COL4A1: variants seen among roughly 807,000 people sequenced by gnomAD.
COL4A1 encodes collagen type IV alpha 1 chain.
A neutral mutation model predicts 216.6 loss-of-function variants in COL4A1; 40 were observed. The ratio of observed to expected loss-of-function variants is 0.18; its 90% CI spans 0.14 to 0.24. The LOEUF is 0.24. Ranked by LOEUF, COL4A1 falls within the 10% of genes least tolerant of loss-of-function variation. The pLI, the probability that COL4A1 is intolerant of heterozygous loss-of-function variation, is 1.00. For missense variants in COL4A1, 1,628 were observed against 2,196.8 expected, an observed-to-expected ratio of 0.74 and a Z score of 5.18; for synonymous variants, 839 against 810.7, an observed-to-expected ratio of 1.03 and a Z score of -0.59.
At chr13:110,263,072 T>A (rs1040243880) in intron 1 of COL4A1, among the ~76,000 whole-genome samples, 3 of 152,044 alleles carry the variant, frequency 2.0e-5, no homozygotes, top group Non-Finnish European at 4.4e-5. Context: ...CCCTGTCCGC[T>A]CTCCAAACAT....
intron 18 of COL4A1, 24 bp downstream of exon 18, chr13:110,203,542 C>G (rs1488427993): frequency 1.2e-6 from 2 of 1,613,814 alleles, no homozygotes; most frequent in South Asian, 2.2e-5. Flanking sequence ...CTCTCACAGA[C>G]CCAGGGACAG....
chr13:110,267,292 T>C (rs1883079423), intron 1 of COL4A1, among the ~76,000 whole-genome samples: 1 of 152,158 alleles, frequency 6.6e-6, no homozygotes, highest in Non-Finnish European at 1.5e-5. Flanking sequence ...GAGACGGAGC[T>C]ACGCACACTT....
chr13:110,195,609 T>C (rs912562004), intron 21 of COL4A1, among the ~76,000 whole-genome samples: 1 of 152,206 alleles, frequency 6.6e-6, no homozygotes, highest in African/African-American at 2.4e-5. Flanking sequence ...AGGAAATGCC[T>C]CAAATTGTTC....
intron 2 of COL4A1, among the ~76,000 whole-genome samples, chr13:110,233,901 A>C (rs903668597): frequency 6.6e-6 from 1 of 152,170 alleles, no homozygotes; most frequent in East Asian, 1.9e-4. Context: ...GAACAGGTCC[A>C]TTTCTCTGGG....
At chr13:110,258,364 C>A (rs1485248069) in intron 1 of COL4A1, among the ~76,000 whole-genome samples, 1 of 152,060 alleles carries the variant, frequency 6.6e-6, no homozygotes, top group Non-Finnish European at 1.5e-5. Flanking sequence ...ATGGTAAAAT[C>A]CCATCTCTAC....
At chr13:110,199,924 AAG>A (rs1879098019) in intron 20 of COL4A1, among the ~76,000 whole-genome samples, 1 of 152,162 alleles carries the variant, frequency 6.6e-6, no homozygotes, top group South Asian at 2.1e-4. Flanking sequence ...TTTTACAGAA[AAG>A]AGAGAAAGTG....
intron 1 of COL4A1, among the ~76,000 whole-genome samples, chr13:110,243,937 C>A (rs1285827517): frequency 1.3e-5 from 2 of 152,184 alleles, no homozygotes; most frequent in Admixed American, 6.5e-5. Context: ...TCGGTACATA[C>A]ACGCACTTGC....
intron 17 of COL4A1, among the ~76,000 whole-genome samples, chr13:110,205,059 T>A (rs767081582): frequency 1.1e-4 from 17 of 152,324 alleles, no homozygotes; most frequent in Non-Finnish European, 1.8e-4. Flanking sequence ...TTAGGTAAGC[T>A]TTCTTTACCT....
chr13:110,173,929 G>T lies in COL4A1; in HGVS notation c.3476C>A (p.Pro1159Gln). The T allele has an allele frequency of 6.2e-7, 1 of 1,614,154 alleles. No homozygotes were observed. The change falls in exon 40 of 52, where the codon CCG becomes CAG. Residue 1159 changes from proline to glutamine, a missense_variant. This residue lies in a region of COL4A1 where 345 missense variants were observed against 476.9 expected (regional missense o/e 0.72). Transcript: ENST00000375820. The stretch of plus-strand genomic sequence containing the variant: ...TTCACCCTTCTCTCCTGCTGACCCC[G>T]GGATTCCATCACTGCCTGGCTCCCC... Reference protein sequence around the residue: ...QKGEPGSDGIPGSAGEKGEPG... With the variant: ...QKGEPGSDGIQGSAGEKGEPG...
At chr13:110,180,032 A>G (rs962202596) in intron 29 of COL4A1, among the ~76,000 whole-genome samples, 1 of 152,138 alleles carries the variant, frequency 6.6e-6, no homozygotes, top group African/African-American at 2.4e-5. Flanking sequence ...CCATGAAATC[A>G]CAGGGCTCCA....
At chr13:110,226,510 C>G (rs1328016661) in intron 2 of COL4A1, among the ~76,000 whole-genome samples, 1 of 152,232 alleles carries the variant, frequency 6.6e-6, no homozygotes, top group Non-Finnish European at 1.5e-5. Flanking sequence ...AATTTCAATA[C>G]TCCATTAATC....
At chr13:110,303,314 G>A (rs903481105) in intron 1 of COL4A1, among the ~76,000 whole-genome samples, 21 of 151,940 alleles carry the variant, frequency 1.4e-4, no homozygotes, top group Non-Finnish European at 2.1e-4. Context: ...TGCCACCTCC[G>A]AGAAAAGGGA....
chr13:110,178,684 G>T (rs973939049), intron 31 of COL4A1, among the ~76,000 whole-genome samples: 1 of 152,158 alleles, frequency 6.6e-6, no homozygotes, highest in Non-Finnish European at 1.5e-5. Flanking sequence ...ACGTGACGGA[G>T]TACACAATAA....
chr13:110,152,556 A>G (rs1427689154), intron 50 of COL4A1, 50 bp from the exon 51 acceptor site: 1 of 1,575,190 alleles, frequency 6.3e-7, no homozygotes, highest in Non-Finnish European at 8.6e-7. Flanking sequence ...CCCAAACACC[A>G]GGAAAGAGAT....
rs565470 is a variant in COL4A1, at chr13:110,186,299, A to G, written c.1897+86T>C. 0.68 allele frequency: 1,047,720 copies of G among 1,551,680 alleles called. 355,746 individuals are homozygous for G. The highest frequency in any genetic ancestry group is 0.74 in the Admixed American group (44,390 of 59,860). On this transcript the variant is annotated intron_variant, in intron 26 of 51. Transcript: ENST00000375820. ...CAAGTGTGCGCCCTGGCCTATGCGA[A>G]CCCCAGGCCTCTGTGTGCACCCGAG...
rs16975492 is a variant in COL4A1 at position 110,181,355 on chromosome 13, C to T, written c.2130G>A (p.Pro710=). 0.36 allele frequency: 573,489 copies of T among 1,612,120 alleles called. 103,505 individuals are homozygous for T. Among genetic ancestry groups the T allele is most frequent in the Admixed American group, 0.38 (22,740 of 59,866 alleles). Residue 710 remains proline (P), a synonymous_variant, in exon 29 of 52, where the codon CCG becomes CCA. Coordinates refer to ENST00000375820, the MANE Select transcript of COL4A1 (RefSeq NM_001845.6). ...TAAATCCCGGGCGACCTGGAGTCCC[C>T]GGTGGCCCCATGTCTCCAGGTAAGC... The part of the protein sequence containing the change: ...VDGLPGDMGP[P]GTPGRPGFNG...
rs59640916 is a variant in COL4A1 at position 110,199,399 on chromosome 13, G to A, written c.1121-768C>T. The stretch of plus-strand genomic sequence containing the variant: ...GAGAGGGAAGAGCGCTGACCAAAGG[G>A]GCACAGAGCCTGAGACATCCAGCCT... On this transcript the variant is annotated intron_variant, in intron 20 of 51. Transcript: ENST00000375820. Among the ~76,000 whole-genome samples, 439 of 152,254 alleles carry A rather than the reference G, an allele frequency of 2.9e-3. 1 individual carries two copies. Among genetic ancestry groups the A allele is most frequent in the African/African-American group, 9.9e-3 (411 of 41,540 alleles).
intron 1 of COL4A1, among the ~76,000 whole-genome samples, chr13:110,285,361 G>A (rs1883799901): frequency 6.6e-6 from 1 of 152,196 alleles, no homozygotes; most frequent in Non-Finnish European, 1.5e-5. Context: ...CCGTGAATCC[G>A]TGAATACAGA....
chr13:110,206,337 G>T (rs2139197685), intron 15 of COL4A1, among the ~76,000 whole-genome samples: 1 of 152,356 alleles, frequency 6.6e-6, no homozygotes, highest in East Asian at 1.9e-4. Flanking sequence ...ACTGTCTGGT[G>T]TTCTGGGTGG....
Sources: gnomAD v4.1 joint callset for allele counts (sites outside exome capture counted in the v4.1 genomes callset) on GRCh38, gnomAD v4.1.1 for gene constraint, gnomAD v4.1.1 regional missense constraint, MANE v1.5 for transcripts, NCBI Gene and HGNC (gene_info 2026-07-23, HGNC 2026-07-21) for gene names.